ZBED6: variants seen among roughly 807,000 people sequenced by gnomAD.
ZBED6 encodes zinc finger BED-type containing 6.
A neutral mutation model predicts 58.4 loss-of-function variants in ZBED6; 40 were observed. The ratio of observed to expected loss-of-function variants is 0.68; its 90% confidence interval spans 0.53 to 0.89. The LOEUF (loss-of-function observed/expected upper bound fraction) is 0.89, where lower values mean the gene tolerates loss of function less well. Among genes scored for constraint, ZBED6 ranks in the 40% least tolerant of loss-of-function variants. ZBED6 has a pLI of 0.00. For synonymous variants in ZBED6, 439 were observed against 350.6 expected, an observed-to-expected ratio of 1.25 and a Z score of -2.82; for missense variants, 1,057 against 1,003.9, an observed-to-expected ratio of 1.05 and a Z score of -0.71.
At chr1:203,802,035 A>G in exon 1 of ZBED6, 1 of 152,748 alleles carries the variant, frequency 6.5e-6, no homozygotes. Context: ...TTGATACAAA[A>G]TAAGAAATAA....
chr1:203,853,642 C>G (rs1004167451), exon 17 of ZBED6: 11 of 152,558 alleles, frequency 7.2e-5, no homozygotes, highest in African/African-American at 2.7e-4. Context: ...GAAATCTGAC[C>G]CACCTGTCAT....
chr1:203,847,775 C>G lies in ZBED6; in HGVS notation c.*4245+88C>G, dbSNP rs1001832235. 24 of 1,521,544 alleles carry G rather than the reference C, an allele frequency of 1.6e-5. No individual in the cohort carries two copies. The African/African-American group carries it at 3.2e-4, about 20-fold the overall frequency. The allele number at this position is 1,521,544 out of a possible 1,614,324, so 94.3% of individuals were successfully genotyped here. A position where few individuals can be genotyped will look rare whatever the true frequency, so the allele number is the denominator to read the frequency against. On this transcript the variant is annotated intron_variant, in intron 12 of 16. Coordinates refer to ENST00000550078, the Ensembl canonical transcript of ZBED6. The stretch of plus-strand genomic sequence containing the variant: ...TGGGATCTTCCTAGGAGTTGTTTGA[C>G]AACCTTTCTTTACTCAGATAACGTT...
chr1:203,802,244 G>A (rs1670751245), exon 1 of ZBED6: 1 of 152,552 alleles, frequency 6.6e-6, no homozygotes, highest in African/African-American at 2.4e-5. Flanking sequence ...AATGATATAT[G>A]TGTAAGGATT....
chr1:203,811,303 G>A (rs1674426558), intron 1 of ZBED6, among the ~76,000 whole-genome samples: 1 of 152,080 alleles, frequency 6.6e-6, no homozygotes, highest in African/African-American at 2.4e-5. Context: ...AGCAAAACTC[G>A]AAACTCCGTC....
intron 1 of ZBED6, among the ~76,000 whole-genome samples, chr1:203,811,665 C>T (rs149499593): frequency 8.6e-4 from 131 of 152,200 alleles, no homozygotes; most frequent in Admixed American, 2.1e-3. Flanking sequence ...TGGGCTACCA[C>T]GCCTGGCTAA....
Position 203,829,834 on chromosome 1 carries a change from C to T in ZBED6, c.*3256C>T, listed in dbSNP as rs759533099. The T allele has an allele frequency of 3.1e-6, 5 of 1,614,008 alleles. No homozygotes were observed. In the Admixed American group the frequency reaches 8.3e-5, roughly 27 times the overall value. On this transcript the variant is annotated 3_prime_UTR_variant, in exon 6 of 17. Transcript: ENST00000550078. ...AAAACACCTACCCTGCAACCAACTC[C>T]TGAAGTTCACAATGGATTACGAGTG...
rs1572380265 is a variant in ZBED6 at position 203,850,434 on chromosome 1, T to A, written c.*4639-81T>A. Reference sequence around the variant, plus strand: ...TGTGGTATTTCTAGTACTGAAGGAGTTTTGATATTTTATTCTGAATTATTC... The same window carrying A: ...TGTGGTATTTCTAGTACTGAAGGAGATTTGATATTTTATTCTGAATTATTC... On this transcript the variant is annotated intron_variant, in intron 14 of 16. Transcript: ENST00000550078. 6 of 1,556,444 alleles carry A rather than the reference T, an allele frequency of 3.9e-6. No homozygotes were observed. The Admixed American group carries it at 1.0e-4, about 26-fold the overall frequency.
intron 10 of ZBED6, among the ~76,000 whole-genome samples, chr1:203,838,457 G>A (rs1685051979): frequency 1.3e-5 from 2 of 152,230 alleles, no homozygotes; most frequent in Admixed American, 6.5e-5. Flanking sequence ...TTAGCCAGGT[G>A]AAGTTCGAGA....
At chr1:203,824,987 G>A (rs1680014789) in intron 3 of ZBED6, among the ~76,000 whole-genome samples, 1 of 145,128 alleles carries the variant, frequency 6.9e-6, no homozygotes, top group Non-Finnish European at 1.5e-5. Context: ...TGAGGCAGGA[G>A]AATTGCTTGA....
rs189303556 is a variant in ZBED6 at position 203,808,404 on chromosome 1, A to G, written c.*2554+5388A>G. Among the ~76,000 whole-genome samples, 279 of 152,270 alleles carry G rather than the reference A, an allele frequency of 1.8e-3. 2 individuals carry two copies. The highest frequency in any genetic ancestry group is 5.9e-3 in the African/African-American group (246 of 41,550). On this transcript the variant is annotated intron_variant, in intron 1 of 16. Coordinates refer to ENST00000550078, the Ensembl canonical transcript of ZBED6. ...ACCATTGGAATTCAAAAATTTTACC[A>G]TGTCTGTGTATAGCAGAGATGTCTT...
At chr1:203,814,730 A>G (rs1450221848) in intron 1 of ZBED6, among the ~76,000 whole-genome samples, 5 of 151,982 alleles carry the variant, frequency 3.3e-5, no homozygotes, top group African/African-American at 7.3e-5. Flanking sequence ...ATATTTTTAG[A>G]TTTTTTTGTT....
At chr1:203,810,149 GTTTTTTT>G (rs1315810818) in intron 1 of ZBED6, among the ~76,000 whole-genome samples, 10 of 144,492 alleles carry the variant, frequency 6.9e-5, no homozygotes, top group Admixed American at 2.1e-4. Context: ...TTTGTTTTTT[GTTTTTTT>G]TTTAAGAGAT....
intron 3 of ZBED6, among the ~76,000 whole-genome samples, chr1:203,821,819 G>A (rs1320384213): frequency 2.0e-5 from 3 of 151,264 alleles, no homozygotes; most frequent in Non-Finnish European, 4.4e-5. Flanking sequence ...GTGCAGTGGC[G>A]CGATCTCCGC....
intron 9 of ZBED6, chr1:203,834,177 T>C (rs1683423646): frequency 1.5e-5 from 10 of 673,966 alleles, no homozygotes; most frequent in African/African-American, 1.9e-5. Flanking sequence ...TTGGTTAATA[T>C]AATGTGTGTC....
At chr1:203,807,889 G>A (rs1333945219) in intron 1 of ZBED6, among the ~76,000 whole-genome samples, 1 of 151,922 alleles carries the variant, frequency 6.6e-6, no homozygotes, top group African/African-American at 2.4e-5. Flanking sequence ...GTAAAGACAT[G>A]TGCCACCATA....
At chr1:203,849,764 T>G (rs1436852640) in exon 14 of ZBED6, 27 of 1,613,802 alleles carry the variant, frequency 1.7e-5, no homozygotes, top group Non-Finnish European at 2.3e-5. Context: ...TCAAGAGATG[T>G]GAGACCATGA....
At chr1:203,803,485 C>T (rs902031242) in intron 1 of ZBED6, among the ~76,000 whole-genome samples, 1 of 152,242 alleles carries the variant, frequency 6.6e-6, no homozygotes, top group Non-Finnish European at 1.5e-5. Flanking sequence ...GCCACCGCCT[C>T]TGGCCCATAG....
intron 11 of ZBED6, among the ~76,000 whole-genome samples, chr1:203,842,284 G>A (rs867655607): frequency 6.6e-6 from 1 of 152,152 alleles, no homozygotes; most frequent in East Asian, 1.9e-4. Flanking sequence ...CCGAGATCAC[G>A]CCACTGCACT....
At chr1:203,797,176 A>G in exon 1 of ZBED6, 1 of 169,126 alleles carries the variant, frequency 5.9e-6, no homozygotes, top group Non-Finnish European at 1.3e-5. Context: ...TGGATCTGGG[A>G]TTTGGAAGAC....
Sources: allele counts gnomAD v4.1 joint callset (sites outside exome capture counted in the v4.1 genomes callset), GRCh38; gene constraint gnomAD v4.1.1; transcripts MANE v1.5; gene names NCBI Gene and HGNC (gene_info 2026-07-23, HGNC 2026-07-21).